TENM2: variants seen among roughly 807,000 people sequenced by gnomAD.
TENM2 encodes teneurin-2.
Under a neutral mutation model 245.2 loss-of-function variants are expected in TENM2, and 52 were observed. That is an observed-to-expected ratio of 0.21 (90% confidence interval 0.17 to 0.27). The LOEUF (loss-of-function observed/expected upper bound fraction) is 0.27, where lower values mean the gene tolerates loss of function less well. Ranked by LOEUF, TENM2 falls within the 10% of genes least tolerant of loss-of-function variation. The pLI is 1.00. For synonymous variants in TENM2, 1,363 were observed against 1,438.9 expected (o/e 0.95, Z 1.19); for missense variants, 3,046 against 3,666.8 (o/e 0.83, Z 4.37).
intron 13 of TENM2, among the ~76,000 whole-genome samples, chr5:168,181,929 A>C (rs1759935961): frequency 6.6e-6 from 1 of 151,686 alleles, no homozygotes; most frequent in Admixed American, 6.6e-5. Flanking sequence ...CACCTGCCTC[A>C]GCCGCCCGAA....
the TENM2 span, among the ~76,000 whole-genome samples, chr5:167,142,021 G>A: frequency 3.3e-4 from 50 of 151,594 alleles, no homozygotes; most frequent in South Asian, 2.1e-4. Flanking sequence ...TGGCAAACTC[G>A]GAGGGGGGGG....
intron 12 of TENM2, among the ~76,000 whole-genome samples, chr5:168,132,445 G>A (rs1380198542): frequency 1.3e-5 from 2 of 152,158 alleles, no homozygotes; most frequent in African/African-American, 4.8e-5. Flanking sequence ...CATCAAAAAA[G>A]AAAAGAGGAG....
intron 2 of TENM2, among the ~76,000 whole-genome samples, chr5:167,640,842 CATATATATATATATATCCATATATATAT>C (rs548184593): frequency 7.9e-5 from 6 of 75,492 alleles, no homozygotes; most frequent in African/African-American, 1.6e-4. Flanking sequence ...TATATATATC[CATATATATATATATATCCATATATATAT>C]ATATATATAT....
At chr5:167,645,363 A>G (rs1360390692) in intron 2 of TENM2, among the ~76,000 whole-genome samples, 3 of 152,198 alleles carry the variant, frequency 2.0e-5, no homozygotes, top group East Asian at 1.9e-4. Context: ...AAGTGAGGAA[A>G]AAGCAATGTT....
chr5:167,364,228 A>C (rs559382848), intron 1 of TENM2, among the ~76,000 whole-genome samples: 1 of 152,268 alleles, frequency 6.6e-6, no homozygotes, highest in East Asian at 1.9e-4. Flanking sequence ...CACAAAATAT[A>C]TCAAGTAAGA....
At chr5:167,096,252 C>T in the TENM2 span, among the ~76,000 whole-genome samples, 1 of 152,174 alleles carries the variant, frequency 6.6e-6, no homozygotes, top group South Asian at 2.1e-4. Flanking sequence ...ACTTATCTCT[C>T]CTTGTTTGTG....
chr5:167,283,748 T>C (rs1420239705), upstream of TENM2, among the ~76,000 whole-genome samples: 4 of 152,236 alleles, frequency 2.6e-5, no homozygotes, highest in Non-Finnish European at 5.9e-5. Context: ...CTGTGGTCTA[T>C]GCTATTTTGC....
intron 3 of TENM2, among the ~76,000 whole-genome samples, chr5:167,943,245 A>G (rs957799523): frequency 6.6e-6 from 1 of 152,220 alleles, no homozygotes; most frequent in African/African-American, 2.4e-5. Context: ...TTTAACTGGT[A>G]TGCTTCGGCC....
At chr5:167,899,089 T>C (rs1391297152) in intron 3 of TENM2, among the ~76,000 whole-genome samples, 4 of 151,988 alleles carry the variant, frequency 2.6e-5, no homozygotes, top group African/African-American at 9.7e-5. Flanking sequence ...GAGAGAGATT[T>C]TGCATTTTTA....
intron 2 of TENM2, among the ~76,000 whole-genome samples, chr5:167,581,843 T>C (rs906571179): frequency 6.6e-6 from 1 of 152,048 alleles, no homozygotes; most frequent in African/African-American, 2.4e-5. Flanking sequence ...GAGTTTATGA[T>C]CTAATCTGAA....
the TENM2 span, among the ~76,000 whole-genome samples, chr5:167,268,300 A>C: frequency 4.6e-5 from 7 of 152,350 alleles, no homozygotes; most frequent in East Asian, 1.3e-3. Context: ...CAGAAAGGTC[A>C]GATTTCAAAC....
At chr5:167,345,278 C>T (rs1758386097) in intron 1 of TENM2, among the ~76,000 whole-genome samples, 1 of 152,180 alleles carries the variant, frequency 6.6e-6, no homozygotes, top group South Asian at 2.1e-4. Flanking sequence ...GCTTACAGGT[C>T]CTCTCTCCAT....
rs1762520904 is a variant in TENM2, at chr5:167,759,461, T to C, written c.503-116525T>C. Among the ~76,000 whole-genome samples, 4 of 152,278 alleles carry C rather than the reference T, an allele frequency of 2.6e-5. No individual in the cohort carries two copies. The South Asian group carries it at 8.3e-4, about 32-fold the overall frequency. ...TGTAAGTGGAAAAATTTTCAGATTT[T>C]CTCAAGCCTTGCACGCTGTCATAAA... is the stretch of plus-strand genomic sequence containing the variant. On this transcript the variant is annotated intron_variant, in intron 2 of 28. Coordinates refer to ENST00000518659, the Ensembl canonical transcript of TENM2.
intron 2 of TENM2, among the ~76,000 whole-genome samples, chr5:167,550,746 GTGTGA>G: frequency 7.6e-6 from 1 of 131,260 alleles, no homozygotes; most frequent in Non-Finnish European, 1.6e-5. Context: ...GTGTGTGTGT[GTGTGA>G]TGGAGTGTTG....
At chr5:168,019,217 GAGA>G (rs1189024217) in intron 5 of TENM2, among the ~76,000 whole-genome samples, 1 of 152,170 alleles carries the variant, frequency 6.6e-6, no homozygotes, top group Non-Finnish European at 1.5e-5. Flanking sequence ...AGGTATTGGG[GAGA>G]AGGACAGCAT....
intron 5 of TENM2, among the ~76,000 whole-genome samples, chr5:167,996,215 T>C (rs1784037819): frequency 6.6e-6 from 1 of 152,102 alleles, no homozygotes; most frequent in Non-Finnish European, 1.5e-5. Flanking sequence ...AAAAGCAGAA[T>C]GCCAGCCCTG....
intron 2 of TENM2, among the ~76,000 whole-genome samples, chr5:167,605,209 A>G (rs1776941278): frequency 6.6e-6 from 1 of 152,136 alleles, no homozygotes; most frequent in Non-Finnish European, 1.5e-5. Flanking sequence ...AGAACGTACG[A>G]TTCTATGTTC....
intron 2 of TENM2, among the ~76,000 whole-genome samples, chr5:167,652,636 C>A (rs1463386061): frequency 6.6e-6 from 1 of 152,148 alleles, no homozygotes; most frequent in Non-Finnish European, 1.5e-5. Flanking sequence ...TCCTATTATT[C>A]CAGGTAACCA....
chr5:167,724,037 G>GT (rs1268691142), intron 2 of TENM2, among the ~76,000 whole-genome samples: 1 of 152,196 alleles, frequency 6.6e-6, no homozygotes, highest in African/African-American at 2.4e-5. Flanking sequence ...TGAGAATTAA[G>GT]TTTCCTGGGT....
Sources: allele counts gnomAD v4.1 joint callset (sites outside exome capture counted in the v4.1 genomes callset), GRCh38; gene constraint gnomAD v4.1.1; transcripts MANE v1.5; gene names NCBI Gene and HGNC (gene_info 2026-07-23, HGNC 2026-07-21).